Variants in SCAPER observed in about 807,000 individuals in gnomAD.
The protein encoded by SCAPER is S phase cyclin A-associated protein in the endoplasmic reticulum.
In SCAPER, 98 loss-of-function variants were observed where a neutral mutation model predicts 182.2. That is an observed-to-expected ratio of 0.54 (90% CI 0.46 to 0.64). The LOEUF is 0.64. Ranked by LOEUF, SCAPER falls within the 30% of genes least tolerant of loss-of-function variation. The probability of loss-of-function intolerance (pLI) is 0.00; values close to 1 mark genes in which losing one functional copy is unlikely to be tolerated. For synonymous variants in SCAPER, 605 were observed against 564.6 expected (o/e 1.07, Z -1.01); for missense variants, 1,432 against 1,690.0 (o/e 0.85, Z 2.68).
chr15:76,576,058 A>G (rs2047797468), intron 22 of SCAPER, among the ~76,000 whole-genome samples: 1 of 152,214 alleles, frequency 6.6e-6, no homozygotes, highest in Non-Finnish European at 1.5e-5. Flanking sequence ...CTTCTTCTTT[A>G]CATTAATTTT....
At chr15:76,802,460 G>T (rs1320402409) in intron 6 of SCAPER, among the ~76,000 whole-genome samples, 1 of 152,136 alleles carries the variant, frequency 6.6e-6, no homozygotes, top group Admixed American at 6.5e-5. Context: ...TATTACCAAC[G>T]TAAGGGTAAA....
intron 15 of SCAPER, among the ~76,000 whole-genome samples, chr15:76,750,585 T>C (rs371491187): frequency 4.6e-5 from 7 of 152,062 alleles, no homozygotes; most frequent in African/African-American, 1.4e-4. Flanking sequence ...AAGTGGGATT[T>C]ATTCCTGGAA....
At chr15:76,852,088 C>CA (rs958458453) in intron 4 of SCAPER, among the ~76,000 whole-genome samples, 81 of 151,190 alleles carry the variant, frequency 5.4e-4, no homozygotes, top group African/African-American at 1.5e-3. Flanking sequence ...CAAAAAAAGA[C>CA]AAAAAAAAGG....
chr15:76,681,761 A>G (rs1347265817), intron 20 of SCAPER, among the ~76,000 whole-genome samples: 1 of 152,106 alleles, frequency 6.6e-6, no homozygotes, highest in Non-Finnish European at 1.5e-5. Flanking sequence ...TACCACAGAC[A>G]CTTATGCTAA....
chr15:76,782,888 A>G (rs1316907933), intron 8 of SCAPER, among the ~76,000 whole-genome samples: 1 of 152,240 alleles, frequency 6.6e-6, no homozygotes, highest in African/African-American at 2.4e-5. Flanking sequence ...AGCAGTGTGT[A>G]AAGGGAAAGT....
intron 1 of SCAPER, among the ~76,000 whole-genome samples, chr15:76,887,334 C>G (rs1050952675): frequency 6.6e-6 from 1 of 152,146 alleles, no homozygotes; most frequent in African/African-American, 2.4e-5. Flanking sequence ...AGAGGGTGAG[C>G]CAAAGCAGGC....
intron 23 of SCAPER, among the ~76,000 whole-genome samples, chr15:76,507,333 C>T (rs574348690): frequency 1.3e-5 from 2 of 152,106 alleles, no homozygotes; most frequent in Non-Finnish European, 2.9e-5. Flanking sequence ...CTGTTGACAC[C>T]TTGATCTTGG....
At chr15:76,410,127 GT>G (rs2045182902) in intron 26 of SCAPER, among the ~76,000 whole-genome samples, 1 of 152,010 alleles carries the variant, frequency 6.6e-6, no homozygotes, top group Admixed American at 6.6e-5. Context: ...TAAAGTACTA[GT>G]TTATGAATAT....
At chr15:76,355,546 CT>C (rs35909790) in intron 29 of SCAPER, among the ~76,000 whole-genome samples, 145,900 of 151,120 alleles carry the variant, frequency 0.97, 70,632 homozygotes, top group South Asian at 1. Flanking sequence ...TAGAAGTCTT[CT>C]TTTTTTTTTT....
Position 76,599,622 on chromosome 15 carries a change from A to G in SCAPER, c.2711+22142T>C, listed in dbSNP as rs1430468352. 3.3e-5 allele frequency among the ~76,000 whole-genome samples: 4 copies of G among 122,220 alleles called. 1 individual carries two copies. The highest frequency in any genetic ancestry group is 1.0e-4 in the African/African-American group (4 of 39,940). 80.2% of individuals were successfully genotyped at this position (122,220 alleles called of 152,430 possible). ...CTGAATGAAAGAAGGCTTATACAAA[A>G]GAGTACATACTATTTGATTTCATTT... On this transcript the variant is annotated intron_variant, in intron 22 of 31. Coordinates refer to ENST00000563290, the MANE Select transcript of SCAPER (RefSeq NM_020843.4).
At chr15:76,549,014 C>A (rs1032283517) in intron 23 of SCAPER, among the ~76,000 whole-genome samples, 3 of 152,116 alleles carry the variant, frequency 2.0e-5, no homozygotes, top group Non-Finnish European at 4.4e-5. Flanking sequence ...AGGCAACCTA[C>A]AGAATGGGAG....
chr15:76,389,425 C>T (rs896807946), intron 27 of SCAPER, among the ~76,000 whole-genome samples: 2 of 132,776 alleles, frequency 1.5e-5, no homozygotes, highest in African/African-American at 5.6e-5. Flanking sequence ...GTTTTGAACC[C>T]GGGAGGTGGA....
At chr15:76,561,415 C>G (rs1251193711) in intron 23 of SCAPER, among the ~76,000 whole-genome samples, 1 of 152,078 alleles carries the variant, frequency 6.6e-6, no homozygotes, top group East Asian at 1.9e-4. Context: ...ATTTTATATA[C>G]TACCTTTCTT....
At chr15:76,692,703 A>AAAG (rs1374705765) in intron 20 of SCAPER, among the ~76,000 whole-genome samples, 1 of 151,082 alleles carries the variant, frequency 6.6e-6, no homozygotes, top group Admixed American at 6.6e-5. Context: ...AAAGAAAAAA[A>AAAG]AAAAAAAAAG....
intron 23 of SCAPER, among the ~76,000 whole-genome samples, chr15:76,550,582 T>C (rs1224737872): frequency 6.6e-6 from 1 of 152,244 alleles, no homozygotes; most frequent in Non-Finnish European, 1.5e-5. Flanking sequence ...ATTTTCTTTA[T>C]CCAGTCTATC....
chr15:76,740,567 T>A (rs1490469899), intron 15 of SCAPER, among the ~76,000 whole-genome samples: 1 of 152,280 alleles, frequency 6.6e-6, no homozygotes, highest in Middle Eastern at 3.4e-3. Flanking sequence ...TGGAATAATG[T>A]CTTGAAGTTC....
intron 8 of SCAPER, among the ~76,000 whole-genome samples, chr15:76,786,875 T>C (rs2064649746): frequency 1.3e-5 from 2 of 152,138 alleles, no homozygotes; most frequent in African/African-American, 4.8e-5. Flanking sequence ...GAAATTAAAT[T>C]TAAAACTTAT....
At chr15:76,826,818 T>C (rs946882627) in intron 5 of SCAPER, among the ~76,000 whole-genome samples, 12 of 152,212 alleles carry the variant, frequency 7.9e-5, no homozygotes, top group African/African-American at 1.4e-4. Context: ...TCCACTTGTG[T>C]TTCCAGTCCT....
At chr15:76,363,855 G>A (rs2041622538) in intron 29 of SCAPER, among the ~76,000 whole-genome samples, 1 of 152,174 alleles carries the variant, frequency 6.6e-6, no homozygotes, top group African/African-American at 2.4e-5. Flanking sequence ...AGCAGCTGCG[G>A]TGGCCAGGCG....
Sources: allele counts gnomAD v4.1 joint callset (sites outside exome capture counted in the v4.1 genomes callset), GRCh38; gene constraint gnomAD v4.1.1; transcripts MANE v1.5; gene names NCBI Gene and HGNC (gene_info 2026-07-23, HGNC 2026-07-21).